Variants in NEDD9 observed in about 807,000 individuals in gnomAD.
The protein encoded by NEDD9 is neural precursor cell expressed, developmentally down-regulated 9.
Under a neutral mutation model 76.6 loss-of-function variants are expected in NEDD9, and 26 were observed. The ratio of observed to expected loss-of-function variants is 0.34; its 90% CI spans 0.25 to 0.47. The LOEUF (loss-of-function observed/expected upper bound fraction) is 0.47. Among genes scored for constraint, NEDD9 ranks in the 20% least tolerant of loss-of-function variants. The probability of loss-of-function intolerance (pLI) is 1.00; values close to 1 mark genes in which losing one functional copy is unlikely to be tolerated. For missense variants in NEDD9, 937 were observed against 1,058.5 expected (o/e 0.89, Z 1.59); for synonymous variants, 392 against 414.2 (o/e 0.95, Z 0.65).
intron 3 of NEDD9, among the ~76,000 whole-genome samples, chr6:11,260,932 T>C (rs994553244): frequency 1.3e-5 from 2 of 151,966 alleles, no homozygotes; most frequent in African/African-American, 4.8e-5. Flanking sequence ...TGTAAAAGAA[T>C]TCTTCCTGGG....
intron 3 of NEDD9, among the ~76,000 whole-genome samples, chr6:11,274,478 T>C (rs1760377228): frequency 6.6e-6 from 1 of 152,218 alleles, no homozygotes; most frequent in African/African-American, 2.4e-5. Context: ...CCTAGGTCTA[T>C]CCTTGCTCTC....
intron 3 of NEDD9, among the ~76,000 whole-genome samples, chr6:11,288,335 G>A (rs1015832525): frequency 6.6e-6 from 1 of 152,192 alleles, no homozygotes; most frequent in African/African-American, 2.4e-5. Flanking sequence ...TTAGGGTGGA[G>A]TCAGCACACC....
chr6:11,335,536 G>A (rs1187322788), intron 1 of NEDD9, among the ~76,000 whole-genome samples: 1 of 152,168 alleles, frequency 6.6e-6, no homozygotes, highest in Non-Finnish European at 1.5e-5. Flanking sequence ...AAAGTTGAGC[G>A]AATTGGGCTA....
intron 3 of NEDD9, among the ~76,000 whole-genome samples, chr6:11,267,704 C>T (rs1392128939): frequency 6.6e-6 from 1 of 152,092 alleles, no homozygotes; most frequent in Non-Finnish European, 1.5e-5. Context: ...ATTGTCAATG[C>T]CTGTGGAGAT....
chr6:11,251,944 G>T (rs548936770), intron 3 of NEDD9, among the ~76,000 whole-genome samples: 3 of 152,120 alleles, frequency 2.0e-5, no homozygotes, highest in Non-Finnish European at 2.9e-5. Context: ...GTGTGTGTGG[G>T]GGGGGATGGT....
At chr6:11,296,284 G>A (rs1760883225) in intron 3 of NEDD9, among the ~76,000 whole-genome samples, 1 of 152,162 alleles carries the variant, frequency 6.6e-6, no homozygotes, top group South Asian at 2.1e-4. Context: ...ACAATAGGCG[G>A]ATTTAGAGGT....
chr6:11,265,048 A>G (rs1760178987), intron 3 of NEDD9, among the ~76,000 whole-genome samples: 1 of 152,256 alleles, frequency 6.6e-6, no homozygotes, highest in African/African-American at 2.4e-5. Context: ...CCTTTTAAGA[A>G]CTAATATCTC....
intron 1 of NEDD9, among the ~76,000 whole-genome samples, chr6:11,362,107 T>C (rs890438324): frequency 1.3e-5 from 2 of 152,052 alleles, no homozygotes; most frequent in Non-Finnish European, 2.9e-5. Context: ...CTTTGAGAGG[T>C]GATTACATCA....
rs9394068 is a variant in NEDD9 at position 11,362,050 on chromosome 6, T to C, written c.-214+20089A>G. Among the ~76,000 whole-genome samples the C allele has an allele frequency of 9.7e-3, 1,475 of 152,268 alleles. 63 individuals are homozygous for C. The East Asian group carries it at 0.1, about 10-fold the overall frequency. On this transcript the variant is annotated intron_variant, in intron 1 of 3. Transcript: ENST00000397378. The stretch of plus-strand genomic sequence containing the variant: ...AATGCTTGTATCACCCCCAAATTTA[T>C]ATGTTGAAGTCCCAACCCGCAATGT...
chr6:11,325,745 C>T (rs1380523156), intron 2 of NEDD9, among the ~76,000 whole-genome samples: 6 of 152,170 alleles, frequency 3.9e-5, no homozygotes, highest in African/African-American at 1.4e-4. Context: ...CCTACATTTT[C>T]GGTTTGCACT....
chr6:11,316,146 C>T (rs1220322670), intron 2 of NEDD9, among the ~76,000 whole-genome samples: 1 of 152,180 alleles, frequency 6.6e-6, no homozygotes, highest in African/African-American at 2.4e-5. Context: ...CAACTGCCTC[C>T]TTCACCCATC....
At chr6:11,258,261 G>A (rs531776277) in intron 3 of NEDD9, among the ~76,000 whole-genome samples, 46 of 152,258 alleles carry the variant, frequency 3.0e-4, no homozygotes, top group African/African-American at 1.0e-3. Context: ...TGCTTACCAG[G>A]GAGGCTCAGG....
At chr6:11,340,982 C>G (rs1173384666) in intron 1 of NEDD9, among the ~76,000 whole-genome samples, 1 of 152,168 alleles carries the variant, frequency 6.6e-6, no homozygotes, top group African/African-American at 2.4e-5. Context: ...GCCATGTTGC[C>G]TCCCTACCGT....
upstream of NEDD9, chr6:11,233,462 C>T (rs754767484): frequency 9.6e-6 from 5 of 518,724 alleles, no homozygotes; most frequent in Middle Eastern, 3.2e-4. Flanking sequence ...ACATCATCAC[C>T]GTCCACTGAG....
chr6:11,292,494 C>T (rs1760800685), intron 3 of NEDD9, among the ~76,000 whole-genome samples: 1 of 152,180 alleles, frequency 6.6e-6, no homozygotes, highest in Non-Finnish European at 1.5e-5. Context: ...AGACATGCCT[C>T]TTTGCAGGCC....
At chr6:11,264,476 A>G (rs1760169896) in intron 3 of NEDD9, among the ~76,000 whole-genome samples, 1 of 152,224 alleles carries the variant, frequency 6.6e-6, no homozygotes, top group South Asian at 2.1e-4. Flanking sequence ...TTCCTTGAGT[A>G]AGAAAGCAGG....
intron 3 of NEDD9, among the ~76,000 whole-genome samples, chr6:11,295,649 C>T (rs1272689661): frequency 6.6e-6 from 1 of 152,200 alleles, no homozygotes; most frequent in Non-Finnish European, 1.5e-5. Context: ...TACCTTGCCT[C>T]AGTTCAGACA....
At chr6:11,194,021 A>G (rs147621203) in intron 2 of NEDD9, among the ~76,000 whole-genome samples, 7,371 of 152,000 alleles carry the variant, frequency 0.048, 457 homozygotes, top group African/African-American at 0.13. Context: ...CACCATGCCC[A>G]GCTAATTTTT....
intron 1 of NEDD9, among the ~76,000 whole-genome samples, chr6:11,366,410 AAG>A (rs1366606685): frequency 1.3e-5 from 2 of 148,400 alleles, no homozygotes; most frequent in Admixed American, 6.7e-5. Flanking sequence ...TAAAAGAAGA[AAG>A]AAAAAAGAAA....
Sources: gnomAD v4.1 joint callset for allele counts (sites outside exome capture counted in the v4.1 genomes callset) on GRCh38, gnomAD v4.1.1 for gene constraint, MANE v1.5 for transcripts, NCBI Gene and HGNC (gene_info 2026-07-23, HGNC 2026-07-21) for gene names.